Variants in LRRC7 observed in about 807,000 individuals in gnomAD.
LRRC7 encodes leucine rich repeat containing 7, also known as leucine-rich repeat-containing protein 7.
In LRRC7, 23 loss-of-function variants were observed where a neutral mutation model predicts 175.7. That is an observed-to-expected ratio of 0.13 (90% CI 0.09 to 0.19). The LOEUF (loss-of-function observed/expected upper bound fraction) is 0.19. LRRC7 is among the 10% of genes least tolerant of loss of function. The probability of loss-of-function intolerance (pLI) is 1.00; values close to 1 mark genes in which losing one functional copy is unlikely to be tolerated. For missense variants in LRRC7, 1,354 were observed against 1,904.7 expected (o/e 0.71, Z 5.38); for synonymous variants, 685 against 680.9 (o/e 1.01, Z -0.09).
chr1:69,624,101 C>A (rs950478299), intron 1 of LRRC7, among the ~76,000 whole-genome samples: 1 of 152,076 alleles, frequency 6.6e-6, no homozygotes, highest in African/African-American at 2.4e-5. Flanking sequence ...GGAGATGACG[C>A]CAAATTCTTT....
chr1:69,844,998 C>T (rs1467646236), intron 7 of LRRC7, among the ~76,000 whole-genome samples: 2 of 152,088 alleles, frequency 1.3e-5, no homozygotes, highest in African/African-American at 2.4e-5. Flanking sequence ...GCCTATAGTT[C>T]GAGCACTTTG....
intron 1 of LRRC7, among the ~76,000 whole-genome samples, chr1:69,656,962 GA>G (rs1656686377): frequency 6.6e-6 from 1 of 150,606 alleles, no homozygotes; most frequent in Admixed American, 6.6e-5. Context: ...AAAAGAGAGA[GA>G]ATAGAAAAAA....
At chr1:70,045,301 A>G (rs1660242462) in intron 22 of LRRC7, among the ~76,000 whole-genome samples, 1 of 152,134 alleles carries the variant, frequency 6.6e-6, no homozygotes, top group Admixed American at 6.6e-5. Flanking sequence ...GATTTGTGGT[A>G]TCTGCCAATG....
At chr1:69,721,246 G>T (rs2100779858) in intron 2 of LRRC7, among the ~76,000 whole-genome samples, 1 of 151,940 alleles carries the variant, frequency 6.6e-6, no homozygotes, top group South Asian at 2.1e-4. Context: ...AAAGTCTGTA[G>T]TTTACATTAG....
At chr1:70,062,510 A>C (rs1661659734) in intron 23 of LRRC7, among the ~76,000 whole-genome samples, 1 of 152,070 alleles carries the variant, frequency 6.6e-6, no homozygotes, top group African/African-American at 2.4e-5. Context: ...AATTACAGTT[A>C]CTGTCCCCCT....
chr1:69,698,483 T>A (rs1322012229), intron 2 of LRRC7, among the ~76,000 whole-genome samples: 1 of 152,212 alleles, frequency 6.6e-6, no homozygotes, highest in African/African-American at 2.4e-5. Context: ...ACTAAATGAA[T>A]AAGAAGCTTC....
chr1:69,821,664 C>A (rs543284437), intron 4 of LRRC7, among the ~76,000 whole-genome samples: 1 of 151,964 alleles, frequency 6.6e-6, no homozygotes, highest in African/African-American at 2.4e-5. Context: ...GAGGTTGAGG[C>A]GGGTGGATTA....
intron 2 of LRRC7, among the ~76,000 whole-genome samples, chr1:69,692,168 G>C (rs1661972671): frequency 6.6e-6 from 1 of 152,178 alleles, no homozygotes; most frequent in African/African-American, 2.4e-5. Flanking sequence ...ACTTACAGCA[G>C]TGAGGAGCAG....
At chr1:69,693,414 A>G (rs1231040274) in intron 2 of LRRC7, among the ~76,000 whole-genome samples, 4 of 152,202 alleles carry the variant, frequency 2.6e-5, no homozygotes, top group Non-Finnish European at 4.4e-5. Flanking sequence ...ATTGGCTCCC[A>G]TGATTTTGGA....
chr1:70,004,397 T>C (rs1006159023), intron 11 of LRRC7, among the ~76,000 whole-genome samples: 1 of 152,162 alleles, frequency 6.6e-6, no homozygotes, highest in Non-Finnish European at 1.5e-5. Context: ...TTAAGTGAAA[T>C]TGATTGTAGA....
intron 1 of LRRC7, among the ~76,000 whole-genome samples, chr1:69,620,024 C>T (rs1308706987): frequency 2.0e-5 from 3 of 152,148 alleles, no homozygotes; most frequent in African/African-American, 7.2e-5. Context: ...TGTGTCATAT[C>T]AAAGAAGAAT....
At chr1:70,022,849 A>T (rs773053013) in intron 16 of LRRC7, among the ~76,000 whole-genome samples, 1 of 152,168 alleles carries the variant, frequency 6.6e-6, no homozygotes, top group Non-Finnish European at 1.5e-5. Context: ...GGAACCATTG[A>T]CCTATGCTTT....
In LRRC7 at chr1:69,707,985, A is replaced by G. The variant is rs528440861; in HGVS notation, c.100+29507A>G. On this transcript the variant is annotated intron_variant, in intron 2 of 26. Transcript: ENST00000651989. Reference sequence around the variant, plus strand: ...TCATTTTGCAAAGAAACCCTTGAGTATCCTTTATATACACTATTAGGCTAA... The same window carrying G: ...TCATTTTGCAAAGAAACCCTTGAGTGTCCTTTATATACACTATTAGGCTAA... Among the ~76,000 whole-genome samples the G allele has an allele frequency of 1.3e-4, 20 of 152,282 alleles. No homozygotes were observed. In the South Asian group the frequency reaches 2.1e-3, roughly 16 times the overall value.
intron 10 of LRRC7, among the ~76,000 whole-genome samples, chr1:69,992,177 A>G (rs183967165): frequency 8.1e-4 from 123 of 152,234 alleles, no homozygotes; most frequent in African/African-American, 2.7e-3. Flanking sequence ...TTGTTACAAT[A>G]TAATATTTAT....
chr1:69,910,359 T>G (rs1285187841), intron 7 of LRRC7, among the ~76,000 whole-genome samples: 1 of 152,062 alleles, frequency 6.6e-6, no homozygotes, highest in Non-Finnish European at 1.5e-5. Flanking sequence ...TACAGAAGGG[T>G]TTTGTGTGGA....
chr1:70,080,245 C>G (rs1406736962), intron 24 of LRRC7, among the ~76,000 whole-genome samples: 2 of 152,160 alleles, frequency 1.3e-5, no homozygotes, highest in East Asian at 3.9e-4. Flanking sequence ...CTCTGTATCC[C>G]TTAATGTCAC....
At chr1:69,653,510 TAGC>T (rs1656172114) in intron 1 of LRRC7, among the ~76,000 whole-genome samples, 1 of 152,044 alleles carries the variant, frequency 6.6e-6, no homozygotes, top group Non-Finnish European at 1.5e-5. Flanking sequence ...AGAAAACTGT[TAGC>T]AGGGATGTGG....
chr1:69,604,560 C>G (rs1647235190), intron 1 of LRRC7, among the ~76,000 whole-genome samples: 1 of 152,224 alleles, frequency 6.6e-6, no homozygotes, highest in South Asian at 2.1e-4. Flanking sequence ...TGGATTAGCT[C>G]TAGCAGAGAA....
At chr1:69,888,806 G>A (rs1014597447) in intron 7 of LRRC7, among the ~76,000 whole-genome samples, 3 of 151,996 alleles carry the variant, frequency 2.0e-5, no homozygotes, top group Non-Finnish European at 4.4e-5. Context: ...TAGCCCAAAG[G>A]AGACAAACTT....
Sources: gnomAD v4.1 joint callset for allele counts (sites outside exome capture counted in the v4.1 genomes callset) on GRCh38, gnomAD v4.1.1 for gene constraint, MANE v1.5 for transcripts, NCBI Gene and HGNC (gene_info 2026-07-23, HGNC 2026-07-21) for gene names.